Variants in ZNF385D observed in about 807,000 individuals in gnomAD.
ZNF385D encodes zinc finger protein 385D.
Under a neutral mutation model 35.8 loss-of-function variants are expected in ZNF385D, and 15 were observed. That is an observed-to-expected ratio of 0.42 (90% CI 0.28 to 0.64). The LOEUF (loss-of-function observed/expected upper bound fraction) is 0.64. Among genes scored for constraint, ZNF385D ranks in the 30% least tolerant of loss-of-function variants. The pLI is 0.23. For synonymous variants in ZNF385D, 212 were observed against 186.8 expected (o/e 1.13, Z -1.10); for missense variants, 474 against 494.6 (o/e 0.96, Z 0.39).
chr3:21,458,007 A>G (rs1702926018), intron 4 of ZNF385D, among the ~76,000 whole-genome samples: 1 of 152,198 alleles, frequency 6.6e-6, no homozygotes, highest in Non-Finnish European at 1.5e-5. Flanking sequence ...CAGTCCTCAA[A>G]AAAAGTTCCT....
intron 3 of ZNF385D, among the ~76,000 whole-genome samples, chr3:21,852,843 T>C (rs142443302): frequency 2.2e-4 from 34 of 151,796 alleles, no homozygotes; most frequent in African/African-American, 5.5e-4. Flanking sequence ...TTGAAGAAAA[T>C]TGTATTCAAA....
intron 3 of ZNF385D, among the ~76,000 whole-genome samples, chr3:21,560,376 A>G (rs1345997823): frequency 6.6e-6 from 1 of 152,004 alleles, no homozygotes; most frequent in African/African-American, 2.4e-5. Context: ...TGTTGATGTT[A>G]TTCATTTCTG....
chr3:21,874,396 T>A (rs1341343297), intron 3 of ZNF385D, among the ~76,000 whole-genome samples: 1 of 152,110 alleles, frequency 6.6e-6, no homozygotes, highest in Non-Finnish European at 1.5e-5. Context: ...TTAAATTTTT[T>A]AGATATTAAC....
At chr3:21,699,764 A>C (rs1207225460) in intron 1 of ZNF385D, among the ~76,000 whole-genome samples, 1 of 151,514 alleles carries the variant, frequency 6.6e-6, no homozygotes. Flanking sequence ...ATATGACTAC[A>C]AGAAAATTTA....
intron 2 of ZNF385D, among the ~76,000 whole-genome samples, chr3:22,285,973 A>T (rs1331031928): frequency 6.6e-6 from 1 of 152,122 alleles, no homozygotes; most frequent in Non-Finnish European, 1.5e-5. Context: ...AGTCAACCAG[A>T]TCATGATACG....
intron 2 of ZNF385D, among the ~76,000 whole-genome samples, chr3:21,610,427 G>T (rs2064634937): frequency 6.6e-6 from 1 of 152,050 alleles, no homozygotes; most frequent in African/African-American, 2.4e-5. Flanking sequence ...GATGTATTAG[G>T]TATCTATTGA....
chr3:21,778,948 T>C (rs1244747902), intron 3 of ZNF385D, among the ~76,000 whole-genome samples: 1 of 151,936 alleles, frequency 6.6e-6, no homozygotes, highest in East Asian at 1.9e-4. Context: ...ACAACAAACC[T>C]AGCCTGTTAC....
chr3:22,264,952 G>T (rs532440278), intron 2 of ZNF385D, among the ~76,000 whole-genome samples: 2 of 152,008 alleles, frequency 1.3e-5, no homozygotes, highest in African/African-American at 4.8e-5. Flanking sequence ...AGCCTCAGAA[G>T]TTCCTCTTGC....
chr3:21,669,132 G>A (rs1464156950), intron 1 of ZNF385D, among the ~76,000 whole-genome samples: 1 of 152,172 alleles, frequency 6.6e-6, no homozygotes, highest in Non-Finnish European at 1.5e-5. Flanking sequence ...CATAGCCTAT[G>A]CTATTTTATT....
At chr3:22,269,709 CTCT>C (rs1368803856) in intron 2 of ZNF385D, among the ~76,000 whole-genome samples, 1 of 151,810 alleles carries the variant, frequency 6.6e-6, no homozygotes, top group East Asian at 1.9e-4. Context: ...ATTGATCATT[CTCT>C]TTTTTTGGGG....
intron 2 of ZNF385D, among the ~76,000 whole-genome samples, chr3:21,580,359 T>A (rs1025251281): frequency 8.5e-5 from 13 of 152,270 alleles, no homozygotes; most frequent in African/African-American, 3.1e-4. Context: ...TGGCAGATCT[T>A]TACTAACCAG....
At chr3:21,880,564 C>G (rs978512662) in intron 3 of ZNF385D, among the ~76,000 whole-genome samples, 1 of 151,970 alleles carries the variant, frequency 6.6e-6, no homozygotes, top group African/African-American at 2.4e-5. Flanking sequence ...TCTCCCTGTC[C>G]TTCGGCCTCC....
At chr3:21,883,205 T>A (rs1315279082) in intron 3 of ZNF385D, among the ~76,000 whole-genome samples, 1 of 151,918 alleles carries the variant, frequency 6.6e-6, no homozygotes, top group African/African-American at 2.4e-5. Context: ...AAGAGCTCAA[T>A]TTTTTTATTA....
In ZNF385D at chr3:21,561,549, G is replaced by A. The variant is rs113309129; in HGVS notation, c.276+3025C>T. Among the ~76,000 whole-genome samples the A allele has an allele frequency of 7.6e-4, 115 of 152,254 alleles. 1 individual carries two copies. Among genetic ancestry groups the A allele is most frequent in the Non-Finnish European group, 1.3e-3 (88 of 68,018 alleles). On this transcript the variant is annotated intron_variant, in intron 3 of 7. Coordinates refer to ENST00000281523, the MANE Select transcript of ZNF385D (RefSeq NM_024697.3). ...AATGCAGAAATCACCTGCCTTCTGC[G>A]TTGATCTCACTGGGAGCTGCAGACT...
intron 3 of ZNF385D, among the ~76,000 whole-genome samples, chr3:22,023,394 T>C (rs75483308): frequency 0.045 from 6,910 of 152,256 alleles, 184 homozygotes; most frequent in Middle Eastern, 0.078. Context: ...GCACATATCA[T>C]GTTTATATTA....
At chr3:21,572,017 C>T (rs1317420233) in intron 2 of ZNF385D, among the ~76,000 whole-genome samples, 1 of 152,172 alleles carries the variant, frequency 6.6e-6, no homozygotes, top group African/African-American at 2.4e-5. Flanking sequence ...GGCACATGAA[C>T]TCAATCTCCA....
intron 1 of ZNF385D, among the ~76,000 whole-genome samples, chr3:21,745,397 T>G (rs952192619): frequency 6.6e-6 from 1 of 152,230 alleles, no homozygotes; most frequent in Non-Finnish European, 1.5e-5. Context: ...TGAAAATACC[T>G]TCCGTTTCAA....
intron 3 of ZNF385D, among the ~76,000 whole-genome samples, chr3:21,959,670 G>A (rs1470237274): frequency 2.0e-5 from 3 of 152,114 alleles, no homozygotes; most frequent in African/African-American, 7.2e-5. Context: ...TAGCCCCATG[G>A]GTGGGTACAC....
At chr3:21,913,746 G>T (rs912539259) in intron 3 of ZNF385D, among the ~76,000 whole-genome samples, 1 of 152,024 alleles carries the variant, frequency 6.6e-6, no homozygotes, top group Non-Finnish European at 1.5e-5. Flanking sequence ...TATTTGGTGA[G>T]GATTAGTAAT....
Sources: allele counts gnomAD v4.1 joint callset (sites outside exome capture counted in the v4.1 genomes callset), GRCh38; gene constraint gnomAD v4.1.1; transcripts MANE v1.5; gene names NCBI Gene and HGNC (gene_info 2026-07-23, HGNC 2026-07-21).